The following SEC24B variants were observed in gnomAD, a reference collection of about 807,000 sequenced individuals.
The protein encoded by SEC24B is protein transport protein Sec24B.
In SEC24B, 45 loss-of-function variants were observed where a neutral mutation model predicts 142.8. The observed-to-expected ratio is 0.32, with a 90% CI of 0.25 to 0.40. The LOEUF is 0.40. Among genes scored for constraint, SEC24B ranks in the 10% least tolerant of loss-of-function variants. The pLI, the probability that SEC24B is intolerant of heterozygous loss-of-function variation, is 1.00. For missense variants in SEC24B, 1,409 were observed against 1,526.8 expected (o/e 0.92, Z 1.29); for synonymous variants, 574 against 568.2 (o/e 1.01, Z -0.15).
At chr4:109,521,218 G>T in intron 13 of SEC24B, 46 bp downstream of exon 13, 2 of 1,184,520 alleles carry the variant, frequency 1.7e-6, no homozygotes, top group South Asian at 2.7e-5. Context: ...TTTATATTGT[G>T]ACTGGTAACT....
chr4:109,525,471 T>C lies in SEC24B; in HGVS notation c.2758T>C (p.Phe920Leu), dbSNP rs1724116751. 1.2e-6 allele frequency: 2 copies of C among 1,611,188 alleles called. No individual in the cohort carries two copies. The highest frequency in any genetic ancestry group is 1.7e-5 in the Admixed American group (1 of 59,722). ...LKRYLTRKIGFEAVMRIRCTK... is the reference protein window; with the variant it reads ...LKRYLTRKIGLEAVMRIRCTK... The stretch of plus-strand genomic sequence containing the variant: ...ACGGTATCTCACAAGAAAAATTGGG[T>C]TTGAAGCTGTTATGAGAATAAGGTG... The change falls in exon 16 of 24, where the codon TTT becomes CTT. Residue 920 changes from phenylalanine to leucine, a missense_variant. Physicochemically the swap from Phe to Leu is conservative, Grantham distance 22. Around this residue, in one of 2 missense-constraint regions of SEC24B, gnomAD observed 700 missense variants for 853.3 expected, o/e 0.82. Coordinates refer to ENST00000265175, the MANE Select transcript of SEC24B (RefSeq NM_006323.5).
At chr4:109,498,434 G>A (rs1458845811) in intron 6 of SEC24B, among the ~76,000 whole-genome samples, 5 of 152,014 alleles carry the variant, frequency 3.3e-5, no homozygotes, top group Non-Finnish European at 7.4e-5. Flanking sequence ...CTCGGCTCGC[G>A]GCTCACTGCC....
intron 6 of SEC24B, among the ~76,000 whole-genome samples, chr4:109,497,485 CACTT>C (rs1240841852): frequency 6.6e-6 from 1 of 151,478 alleles, no homozygotes; most frequent in Non-Finnish European, 1.5e-5. Context: ...TTATTAATCA[CACTT>C]AAGTGAGCAT....
At chr4:109,539,307 T>C (rs1725936281) in intron 23 of SEC24B, among the ~76,000 whole-genome samples, 1 of 151,946 alleles carries the variant, frequency 6.6e-6, no homozygotes, top group Admixed American at 6.6e-5. Context: ...GGGATCTTTC[T>C]ATCTTGCCCA....
intron 1 of SEC24B, among the ~76,000 whole-genome samples, chr4:109,435,912 A>T (rs144771710): frequency 1.2e-4 from 18 of 152,286 alleles, no homozygotes; most frequent in African/African-American, 4.1e-4. Flanking sequence ...GACTCTAGGC[A>T]GAGGTTACAG....
At chr4:109,508,263 G>A (rs1021224414) in intron 7 of SEC24B, among the ~76,000 whole-genome samples, 4 of 152,276 alleles carry the variant, frequency 2.6e-5, no homozygotes. Flanking sequence ...TACCCCCTAC[G>A]TAGGTAAATG....
intron 5 of SEC24B, among the ~76,000 whole-genome samples, chr4:109,494,194 C>T (rs1414882838): frequency 6.6e-6 from 1 of 152,022 alleles, no homozygotes; most frequent in East Asian, 1.9e-4. Context: ...GGGGCTCACA[C>T]CTGTATGCTC....
At chr4:109,486,554 A>G (rs1295151967) in intron 4 of SEC24B, among the ~76,000 whole-genome samples, 1 of 151,964 alleles carries the variant, frequency 6.6e-6, no homozygotes, top group African/African-American at 2.4e-5. Flanking sequence ...TTCTTCTTTC[A>G]AGCTGTAACA....
intron 19 of SEC24B, among the ~76,000 whole-genome samples, chr4:109,531,072 A>G (rs745554104): frequency 3.9e-5 from 6 of 152,216 alleles, no homozygotes; most frequent in Non-Finnish European, 8.8e-5. Flanking sequence ...CTTTAAGGAC[A>G]GGAACTAATA....
chr4:109,512,407 C>G (rs1289246044), intron 9 of SEC24B, among the ~76,000 whole-genome samples: 2 of 152,154 alleles, frequency 1.3e-5, no homozygotes, highest in Non-Finnish European at 2.9e-5. Context: ...GTTCATTCAA[C>G]TCAGGTAGAA....
chr4:109,438,074 C>G (rs1055755748), intron 1 of SEC24B, among the ~76,000 whole-genome samples: 1 of 152,052 alleles, frequency 6.6e-6, no homozygotes, highest in Non-Finnish European at 1.5e-5. Flanking sequence ...AGTTTGGATC[C>G]CTACCTTTAC....
At chr4:109,533,717 G>T in intron 22 of SEC24B, 32 bp downstream of exon 22, 4 of 1,240,370 alleles carry the variant, frequency 3.2e-6, no homozygotes, top group African/African-American at 1.5e-5. Flanking sequence ...TTAACTTTTT[G>T]TTTGCTCATT....
At position 109,476,003 on chromosome 4, in the gene SEC24B, T is replaced by TC. The variant is rs1315311734; in HGVS notation, c.1060+2817_1060+2818insC. ...TTTTCTCTCTCTCTTTTTTTTTTTTTTTTGAGACAGACTCACTCTGTCACC... is the reference window on the plus strand; with the variant it reads ...TTTTCTCTCTCTCTTTTTTTTTTTTTCTTTGAGACAGACTCACTCTGTCACC... On this transcript the variant is annotated intron_variant, in intron 3 of 23. Transcript: ENST00000265175. Among the ~76,000 whole-genome samples the TC allele has an allele frequency of 4.5e-3, 680 of 151,786 alleles. 14 individuals are homozygous for TC. Among genetic ancestry groups the TC allele is most frequent in the African/African-American group, 0.016 (644 of 41,358 alleles).
In SEC24B at chr4:109,462,730, T is replaced by C. The variant is rs955221212; in HGVS notation, c.134-171T>C. ...TGTGAATAACAGGAGGTGGGGATCA[T>C]TGGGGGCCATGTTGGAGGCAGGCTA... On this transcript the variant is annotated intron_variant, in intron 1 of 23. Transcript: ENST00000265175. Among the ~76,000 whole-genome samples, 3 of 152,136 alleles carry C rather than the reference T, an allele frequency of 2.0e-5. No homozygotes were observed. In the East Asian group the frequency reaches 5.8e-4, roughly 29 times the overall value.
At chr4:109,531,266 A>T (rs1724899171) in intron 19 of SEC24B, 119 bp from the exon 20 acceptor site, 1 of 799,348 alleles carries the variant, frequency 1.3e-6, no homozygotes, top group Admixed American at 2.7e-5. Context: ...TGAGAATTGA[A>T]TCTAGGTCTG....
chr4:109,501,822 T>C (rs1736184022), intron 6 of SEC24B, among the ~76,000 whole-genome samples: 1 of 152,222 alleles, frequency 6.6e-6, no homozygotes, highest in African/African-American at 2.4e-5. Flanking sequence ...AATAGAAGTT[T>C]ATTCCTACTC....
chr4:109,475,648 G>A (rs1561105922), intron 3 of SEC24B, among the ~76,000 whole-genome samples: 1 of 151,840 alleles, frequency 6.6e-6, no homozygotes, highest in Non-Finnish European at 1.5e-5. Context: ...ATATATGCTG[G>A]CTGACTTTTA....
At chr4:109,470,125 A>G (rs1732361936) in intron 2 of SEC24B, among the ~76,000 whole-genome samples, 1 of 152,248 alleles carries the variant, frequency 6.6e-6, no homozygotes, top group Non-Finnish European at 1.5e-5. Flanking sequence ...ATGTGGAGTA[A>G]CAGGAAACTC....
chr4:109,463,783 A>G (rs1055045693), intron 2 of SEC24B, 139 bp downstream of exon 2: 1 of 1,329,482 alleles, frequency 7.5e-7, no homozygotes, highest in Non-Finnish European at 1.0e-6. Flanking sequence ...GGCTTTTTGT[A>G]GCACCTCTTT....
Sources: gnomAD v4.1 joint callset for allele counts (sites outside exome capture counted in the v4.1 genomes callset) on GRCh38, gnomAD v4.1.1 for gene constraint, gnomAD v4.1.1 regional missense constraint, MANE v1.5 for transcripts, NCBI Gene and HGNC (gene_info 2026-07-23, HGNC 2026-07-21) for gene names.